The following DLGAP1 variants were observed in gnomAD, a reference collection of about 807,000 sequenced individuals.
The protein encoded by DLGAP1 is disks large-associated protein 1.
Under a neutral mutation model 90.8 loss-of-function variants are expected in DLGAP1, and 11 were observed. The ratio of observed to expected loss-of-function variants is 0.12; its 90% CI spans 0.08 to 0.20. The LOEUF (loss-of-function observed/expected upper bound fraction) is 0.20, where lower values mean the gene tolerates loss of function less well. DLGAP1 is among the 10% of genes least tolerant of loss of function. The probability of loss-of-function intolerance (pLI) is 1.00; values close to 1 mark genes in which losing one functional copy is unlikely to be tolerated. For synonymous variants in DLGAP1, 558 were observed against 540.7 expected, an observed-to-expected ratio of 1.03 and a Z score of -0.44; for missense variants, 1,050 against 1,333.8, an observed-to-expected ratio of 0.79 and a Z score of 3.31.
At chr18:3,772,342 CTCTCTCTTTCTTTCTTTCTT>C (rs1368871245) in intron 5 of DLGAP1, among the ~76,000 whole-genome samples, 4,657 of 81,090 alleles carry the variant, frequency 0.057, 333 homozygotes, top group African/African-American at 0.082. Flanking sequence ...TTCTCTCTCT[CTCTCTCTTTCTTTCTTTCTT>C]TCTTTCTTTC....
intron 5 of DLGAP1, among the ~76,000 whole-genome samples, chr18:3,787,004 T>C (rs2065481304): frequency 6.6e-6 from 1 of 152,190 alleles, no homozygotes; most frequent in Admixed American, 6.5e-5. Flanking sequence ...TACCAAATGG[T>C]GAATCTTGAA....
chr18:4,411,277 G>T (rs2082771291), intron 1 of DLGAP1, among the ~76,000 whole-genome samples: 1 of 152,144 alleles, frequency 6.6e-6, no homozygotes. Flanking sequence ...GCTAACAATG[G>T]AGACCCATCA....
intron 7 of DLGAP1, among the ~76,000 whole-genome samples, chr18:3,672,911 G>A (rs1415261610): frequency 6.6e-6 from 1 of 152,132 alleles, no homozygotes; most frequent in East Asian, 1.9e-4. Flanking sequence ...CCAGTGCCAT[G>A]CCTGGGGCAA....
chr18:4,112,609 C>CAT (rs2075993687), intron 2 of DLGAP1, among the ~76,000 whole-genome samples: 1 of 152,054 alleles, frequency 6.6e-6, no homozygotes, highest in Non-Finnish European at 1.5e-5. Context: ...TGCAGTATAG[C>CAT]ATATATTTTC....
chr18:3,767,010 A>G (rs3862170), intron 5 of DLGAP1, among the ~76,000 whole-genome samples: 32,875 of 151,944 alleles, frequency 0.22, 4,203 homozygotes, highest in East Asian at 0.55. Flanking sequence ...AATAAAATGG[A>G]TAATTTTTGC....
chr18:4,315,248 T>C (rs780757040), intron 1 of DLGAP1, among the ~76,000 whole-genome samples: 1 of 152,230 alleles, frequency 6.6e-6, no homozygotes, highest in African/African-American at 2.4e-5. Context: ...AAAGTGCTTA[T>C]AACAGTGCCT....
At chr18:3,863,246 G>T (rs1489949692) in intron 4 of DLGAP1, among the ~76,000 whole-genome samples, 1 of 152,178 alleles carries the variant, frequency 6.6e-6, no homozygotes, top group Non-Finnish European at 1.5e-5. Context: ...TAGACTACCT[G>T]ATTTAAAAGG....
At chr18:4,142,073 T>C (rs1433479660) in intron 2 of DLGAP1, among the ~76,000 whole-genome samples, 2 of 152,152 alleles carry the variant, frequency 1.3e-5, no homozygotes, top group Non-Finnish European at 2.9e-5. Context: ...TAAGTACTTA[T>C]TGTAGTCTTC....
At chr18:4,006,932 G>T (rs1366797731) in intron 2 of DLGAP1, among the ~76,000 whole-genome samples, 1 of 152,142 alleles carries the variant, frequency 6.6e-6, no homozygotes, top group Non-Finnish European at 1.5e-5. Flanking sequence ...ACAGGTGTGA[G>T]CCACTGCACC....
At chr18:4,222,866 G>T (rs2078106933) in intron 1 of DLGAP1, among the ~76,000 whole-genome samples, 1 of 152,028 alleles carries the variant, frequency 6.6e-6, no homozygotes, top group African/African-American at 2.4e-5. Flanking sequence ...GTCTAATTTG[G>T]GGGAGTTAAA....
At chr18:3,890,217 C>A (rs377104677) in intron 3 of DLGAP1, among the ~76,000 whole-genome samples, 4 of 152,218 alleles carry the variant, frequency 2.6e-5, no homozygotes, top group Non-Finnish European at 5.9e-5. Flanking sequence ...CAGCTTTATA[C>A]CCATTTAAGT....
chr18:3,733,108 AC>A (rs1299879005), intron 6 of DLGAP1, among the ~76,000 whole-genome samples: 1 of 152,052 alleles, frequency 6.6e-6, no homozygotes, highest in Non-Finnish European at 1.5e-5. Context: ...TATCAGTACT[AC>A]CCCTGCCCAC....
At chr18:3,787,086 A>G (rs145049093) in intron 5 of DLGAP1, among the ~76,000 whole-genome samples, 14 of 152,214 alleles carry the variant, frequency 9.2e-5, no homozygotes, top group Middle Eastern at 3.4e-3. Flanking sequence ...AAGAGAACTT[A>G]GGTTTCTAAA....
intron 1 of DLGAP1, among the ~76,000 whole-genome samples, chr18:4,306,960 C>A (rs569902068): frequency 6.6e-6 from 1 of 152,110 alleles, no homozygotes; most frequent in African/African-American, 2.4e-5. Flanking sequence ...CTCAATAGCA[C>A]GTTAATTTTA....
chr18:3,726,099 G>A (rs1450939490), intron 7 of DLGAP1, among the ~76,000 whole-genome samples: 1 of 152,102 alleles, frequency 6.6e-6, no homozygotes, highest in African/African-American at 2.4e-5. Context: ...AATTTTTTTA[G>A]GACAAAGGGT....
intron 1 of DLGAP1, among the ~76,000 whole-genome samples, chr18:4,180,762 T>C (rs199661681): frequency 1.1e-5 from 1 of 93,316 alleles, no homozygotes; most frequent in Non-Finnish European, 2.1e-5. Flanking sequence ...CAAAATTTTA[T>C]CATATGCTCA....
intron 5 of DLGAP1, among the ~76,000 whole-genome samples, chr18:3,764,058 C>T (rs1218745776): frequency 1.3e-5 from 2 of 152,126 alleles, no homozygotes; most frequent in Non-Finnish European, 2.9e-5. Context: ...ATAACAAAAC[C>T]ACAATTTACT....
At chr18:4,111,033 T>C (rs1251380220) in intron 2 of DLGAP1, among the ~76,000 whole-genome samples, 1 of 152,166 alleles carries the variant, frequency 6.6e-6, no homozygotes, top group African/African-American at 2.4e-5. Context: ...CTAAAGGTTA[T>C]GATATTAGCC....
At chr18:4,375,549 T>C (rs1258286083) in intron 1 of DLGAP1, among the ~76,000 whole-genome samples, 1 of 152,172 alleles carries the variant, frequency 6.6e-6, no homozygotes, top group Non-Finnish European at 1.5e-5. Flanking sequence ...ACCAAAGCTA[T>C]GTTCTTCTTT....
Sources: gnomAD v4.1 joint callset for allele counts (sites outside exome capture counted in the v4.1 genomes callset) on GRCh38, gnomAD v4.1.1 for gene constraint, MANE v1.5 for transcripts, NCBI Gene and HGNC (gene_info 2026-07-23, HGNC 2026-07-21) for gene names.